Variants in PGCKA1 observed in about 807,000 individuals in gnomAD.
PGCKA1 encodes PDCD10 and GCKIII kinases-associated protein 1.
At chr4:37,462,562 T>C in the PGCKA1 span, among the ~76,000 whole-genome samples, 4 of 152,208 alleles carry the variant, frequency 2.6e-5, no homozygotes, top group African/African-American at 9.6e-5. Context: ...CATTAAAAAC[T>C]GATTTCCTCC....
chr4:37,473,965 C>A, the PGCKA1 span, among the ~76,000 whole-genome samples: 1 of 152,350 alleles, frequency 6.6e-6, no homozygotes, highest in East Asian at 1.9e-4. Flanking sequence ...TTCAAGCCCA[C>A]TGATGTGCTC....
At chr4:37,459,055 A>G in the PGCKA1 span, among the ~76,000 whole-genome samples, 1 of 152,158 alleles carries the variant, frequency 6.6e-6, no homozygotes, top group Non-Finnish European at 1.5e-5. Context: ...GCCTGTGCTC[A>G]GTACCACGAC....
chr4:37,489,540 A>T, the PGCKA1 span, among the ~76,000 whole-genome samples: 3 of 152,224 alleles, frequency 2.0e-5, no homozygotes, highest in East Asian at 5.8e-4. Context: ...TCATTTAATT[A>T]TAAAAGTTTT....
At chr4:37,530,667 G>GTCAGT in the PGCKA1 span, among the ~76,000 whole-genome samples, 1 of 151,096 alleles carries the variant, frequency 6.6e-6, no homozygotes, top group Non-Finnish European at 1.5e-5. Flanking sequence ...CCACTCATCT[G>GTCAGT]TCAGTCACGT....
the PGCKA1 span, among the ~76,000 whole-genome samples, chr4:37,499,555 T>A: frequency 6.6e-6 from 1 of 152,346 alleles, no homozygotes; most frequent in Non-Finnish European, 1.5e-5. Flanking sequence ...CAGGAATTTA[T>A]CAATTTCTTT....
chr4:37,527,475 T>G, the PGCKA1 span, among the ~76,000 whole-genome samples: 1 of 151,968 alleles, frequency 6.6e-6, no homozygotes, highest in Non-Finnish European at 1.5e-5. Context: ...TCTCTTAACT[T>G]TTATACCGCA....
the PGCKA1 span, among the ~76,000 whole-genome samples, chr4:37,535,531 A>G: frequency 2.0e-5 from 3 of 152,180 alleles, no homozygotes; most frequent in Non-Finnish European, 4.4e-5. Flanking sequence ...GTTTAAGTAG[A>G]CAGCTTCCAG....
chr4:37,548,542 TA>T, the PGCKA1 span, among the ~76,000 whole-genome samples: 19 of 150,736 alleles, frequency 1.3e-4, no homozygotes, highest in African/African-American at 3.4e-4. Flanking sequence ...TATAAAAGGT[TA>T]AAAAAAAAGA....
At chr4:37,534,550 A>G in the PGCKA1 span, among the ~76,000 whole-genome samples, 3 of 152,244 alleles carry the variant, frequency 2.0e-5, no homozygotes, top group Non-Finnish European at 2.9e-5. Context: ...TTGGGTTGCT[A>G]TAACAAAATA....
At chr4:37,467,398 TG>T in the PGCKA1 span, among the ~76,000 whole-genome samples, 1 of 152,236 alleles carries the variant, frequency 6.6e-6, no homozygotes, top group Admixed American at 6.5e-5. Context: ...TGTTTACTTT[TG>T]TAGTCAGGGA....
At chr4:37,567,321 G>C in the PGCKA1 span, among the ~76,000 whole-genome samples, 1 of 152,186 alleles carries the variant, frequency 6.6e-6, no homozygotes, top group African/African-American at 2.4e-5. Flanking sequence ...TTGGCACATA[G>C]AAAACACTCA....
chr4:37,512,456 T>TTC, the PGCKA1 span, among the ~76,000 whole-genome samples: 1 of 142,730 alleles, frequency 7.0e-6, no homozygotes, highest in African/African-American at 2.7e-5. Flanking sequence ...GTTGATTTCT[T>TTC]TTTTTTTTTT....
chr4:37,572,063 C>CTTTCTTT, the PGCKA1 span, among the ~76,000 whole-genome samples: 1 of 89,972 alleles, frequency 1.1e-5, no homozygotes. Flanking sequence ...TTTTTTTTTT[C>CTTTCTTT]TTTTTTTTTT....
chr4:37,500,970 A>AT, the PGCKA1 span, among the ~76,000 whole-genome samples: 1 of 151,832 alleles, frequency 6.6e-6, no homozygotes, highest in African/African-American at 2.4e-5. Context: ...TGCTTGGTAG[A>AT]TTTTTCTCCA....
chr4:37,494,638 C>A, the PGCKA1 span, among the ~76,000 whole-genome samples: 315 of 152,240 alleles, frequency 2.1e-3, 1 homozygote, highest in African/African-American at 7.4e-3. Flanking sequence ...TGGGTATATA[C>A]CCAGTAATGG....
the PGCKA1 span, among the ~76,000 whole-genome samples, chr4:37,477,064 A>G: frequency 6.6e-6 from 1 of 152,258 alleles, no homozygotes; most frequent in Middle Eastern, 3.4e-3. Flanking sequence ...GGAAAAAAAC[A>G]TACGTTTATG....
chr4:37,518,314 A>G, the PGCKA1 span, among the ~76,000 whole-genome samples: 1 of 152,182 alleles, frequency 6.6e-6, no homozygotes, highest in Non-Finnish European at 1.5e-5. Context: ...ATCGTATGGT[A>G]GCTCAATTTG....
At chr4:37,530,691 C>G in the PGCKA1 span, among the ~76,000 whole-genome samples, 2 of 151,280 alleles carry the variant, frequency 1.3e-5, no homozygotes, top group Non-Finnish European at 2.9e-5. Context: ...AAAATTATTT[C>G]TCAGGTCAGA....
chr4:37,551,052 TAGAC>T, the PGCKA1 span, among the ~76,000 whole-genome samples: 2 of 151,904 alleles, frequency 1.3e-5, no homozygotes, highest in African/African-American at 2.4e-5. Flanking sequence ...TCCAGTTACA[TAGAC>T]AGAGATCCAT....
Sources: gnomAD v4.1 joint callset for allele counts (sites outside exome capture counted in the v4.1 genomes callset) on GRCh38, gnomAD v4.1.1 for gene constraint, MANE v1.5 for transcripts, NCBI Gene and HGNC (gene_info 2026-07-23, HGNC 2026-07-21) for gene names.